CFAP74: variants seen among roughly 807,000 people sequenced by gnomAD.
CFAP74 encodes the protein cilia- and flagella-associated protein 74.
Under a neutral mutation model 188.9 loss-of-function variants are expected in CFAP74, and 124 were observed. The observed-to-expected ratio is 0.66, with a 90% CI of 0.57 to 0.76. CFAP74 has a LOEUF of 0.76. Ranked by LOEUF, CFAP74 falls within the 30% of genes least tolerant of loss-of-function variation. The pLI, the probability that CFAP74 is intolerant of heterozygous loss-of-function variation, is 0.00. For missense variants in CFAP74, 2,198 were observed against 2,165.2 expected, an observed-to-expected ratio of 1.02 and a Z score of -0.30; for synonymous variants, 956 against 916.7, an observed-to-expected ratio of 1.04 and a Z score of -0.77.
Position 1,922,577 on chromosome 1 carries a change from A to G in CFAP74, c.4818+12T>C. The G allele has an allele frequency of 6.2e-7, 1 of 1,608,538 alleles. No homozygotes were observed. The highest frequency in any genetic ancestry group is 2.2e-5 in the East Asian group (1 of 44,750). On this transcript the variant is annotated intron_variant, in intron 38 of 38. Transcript: ENST00000682832. ...CCCAGGGCTCCCTGGCCTGGAGCCC[A>G]AAGGCACCTACATCAAAGTCCGCAG...
At position 1,942,778 on chromosome 1, in the gene CFAP74, C is replaced by T. The variant is rs1273529197; in HGVS notation, c.2487-622G>A. Among the ~76,000 whole-genome samples the T allele has an allele frequency of 6.6e-6, 1 of 152,196 alleles. No individual in the cohort carries two copies. The highest frequency in any genetic ancestry group is 2.4e-5 in the African/African-American group (1 of 41,436). On this transcript the variant is annotated intron_variant, in intron 21 of 38. Transcript: ENST00000682832. This position sits in a 1 kb window ranked among gnomAD's most constrained non-coding sequence, Gnocchi z 4.3. The stretch of plus-strand genomic sequence containing the variant: ...CCACAGTGAAGCCTCCCTCCCCTCC[C>T]CCGTCTTGGAGCCTCTGCTAAACAG...
intron 25 of CFAP74, among the ~76,000 whole-genome samples, chr1:1,936,953 T>G (rs1022699783): frequency 6.6e-5 from 10 of 151,708 alleles, no homozygotes; most frequent in African/African-American, 1.9e-4. Flanking sequence ...AACAAATAAT[T>G]GCACTTGAAA....
At chr1:1,952,040 C>T (rs1558018292) in intron 18 of CFAP74, among the ~76,000 whole-genome samples, 1 of 152,218 alleles carries the variant, frequency 6.6e-6, no homozygotes, top group Admixed American at 6.5e-5. Context: ...CAACCTCCAC[C>T]TCCCCGCTTC....
intron 6 of CFAP74, among the ~76,000 whole-genome samples, chr1:1,983,503 G>A (rs375580567): frequency 2.0e-5 from 3 of 152,160 alleles, no homozygotes; most frequent in Non-Finnish European, 2.9e-5. Context: ...CCTCAGAACC[G>A]CAACGTCCGC....
chr1:1,981,655 G>C (rs1226418233), intron 6 of CFAP74, among the ~76,000 whole-genome samples: 1 of 78,382 alleles, frequency 1.3e-5, no homozygotes, highest in African/African-American at 5.5e-5. Context: ...GCCGCGGACA[G>C]ACACAGGGGC....
rs747601399 is a variant in CFAP74 at position 1,985,486 on chromosome 1, CGGCCCTGCAGT to C, written c.396-7_399del. On this transcript the variant is annotated splice_acceptor_variant and splice_polypyrimidine_tract_variant and coding_sequence_variant and intron_variant, in exon 6 of 39. Coordinates refer to ENST00000682832, the MANE Select transcript of CFAP74 (RefSeq NM_001304360.2). LOFTEE classifies it high-confidence loss of function. ...GACACGGCCTGGAGGCGGCCCACAG[CGGCCCTGCAGT>C]GGTGAACGGACAGGCCGGGCGTGTG... is the stretch of plus-strand genomic sequence containing the variant. 2 of 1,613,360 alleles carry C rather than the reference CGGCCCTGCAGT, an allele frequency of 1.2e-6. No individual in the cohort carries two copies. The highest frequency in any genetic ancestry group is 2.7e-5 in the African/African-American group (2 of 74,954).
Position 1,939,499 on chromosome 1 carries a change from A to C in CFAP74, c.2877+95T>G. ...GAGGCGGAAGTTGGGCCACATGCCC[A>C]CGCGTGGGGGACCCTGGAGCAGTGG... On this transcript the variant is annotated intron_variant, in intron 24 of 38. Transcript: ENST00000682832. The C allele has an allele frequency of 2.4e-6, 3 of 1,253,152 alleles. No homozygotes were observed. In the South Asian group the frequency reaches 4.3e-5, roughly 18 times the overall value. 77.6% of individuals were successfully genotyped at this position (1,253,152 alleles called of 1,614,324 possible). A position where few individuals can be genotyped will look rare whatever the true frequency, so the allele number is the denominator to read the frequency against.
chr1:1,957,860 C>T (rs1005787656), intron 16 of CFAP74, among the ~76,000 whole-genome samples: 34 of 152,276 alleles, frequency 2.2e-4, no homozygotes, highest in East Asian at 1.2e-3. Flanking sequence ...AGCCGAGTGC[C>T]GGCCCAACCG....
At position 1,964,906 on chromosome 1, in the gene CFAP74, C is replaced by T. The variant is rs371319557; in HGVS notation, c.1557G>A (p.Pro519=). The change falls in exon 13 of 39, where the codon CCG becomes CCA. Residue 519 remains proline (P), a synonymous_variant. Transcript: ENST00000682832. ...EFQGRPFNSK[P]ELLHFQDFDI... is the part of the protein sequence containing the mutation. ...GGCTCACCTGGAAGTGGAGGAGCTC[C>T]GGTTTGCTGTTGAAGGGGCGTCCTT... The T allele has an allele frequency of 1.4e-5, 22 of 1,613,796 alleles. No homozygotes were observed. Among genetic ancestry groups the T allele is most frequent in the Middle Eastern group, 1.7e-4 (1 of 6,056 alleles).
Position 1,923,080 on chromosome 1 carries a change from C to G in CFAP74, c.4588G>C (p.Asp1530His), listed in dbSNP as rs755919815. 1.2e-6 allele frequency: 2 copies of G among 1,609,910 alleles called. No individual in the cohort carries two copies. The highest frequency in any genetic ancestry group is 3.4e-5 in the Admixed American group (2 of 58,934). The change falls in exon 37 of 39, where the codon GAC (aspartate) becomes CAC (histidine). Residue 1530 changes from aspartate (D) to histidine (H), a missense_variant. By Grantham distance (81) the Asp-to-His change is moderately conservative. Coordinates refer to ENST00000682832, the MANE Select transcript of CFAP74 (RefSeq NM_001304360.2). The surrounding 1 kb of genome is among the most constrained non-coding windows in gnomAD (Gnocchi z 6.3). ...EELRPILVTL[D>H]YIQFDTDTPA... ...GTGTCTGTGTCAAACTGGATGTAGTCCAGGGTCACCAGGATGGGCCTCAGC... is the reference window on the plus strand; with the variant it reads ...GTGTCTGTGTCAAACTGGATGTAGTGCAGGGTCACCAGGATGGGCCTCAGC...
intron 10 of CFAP74, among the ~76,000 whole-genome samples, chr1:1,970,045 C>T (rs997588635): frequency 3.3e-5 from 5 of 152,170 alleles, no homozygotes; most frequent in Admixed American, 1.3e-4. Flanking sequence ...GAACCTGGCC[C>T]CGAGGTCTGG....
chr1:1,997,853 C>T (rs1038374164), intron 1 of CFAP74, among the ~76,000 whole-genome samples: 4 of 152,194 alleles, frequency 2.6e-5, no homozygotes, highest in Non-Finnish European at 4.4e-5. Flanking sequence ...AAAAGAGCCT[C>T]AAGAGACAAG....
At chr1:1,993,965 G>A (rs1039085103) in intron 1 of CFAP74, among the ~76,000 whole-genome samples, 20 of 151,238 alleles carry the variant, frequency 1.3e-4, no homozygotes, top group Non-Finnish European at 2.2e-4. Flanking sequence ...CTGGGCGACA[G>A]AGCAAGACTC....
At chr1:1,998,123 C>CA (rs1268580623) in intron 1 of CFAP74, among the ~76,000 whole-genome samples, 2 of 152,022 alleles carry the variant, frequency 1.3e-5, no homozygotes, top group Non-Finnish European at 1.5e-5. Context: ...ACTAAAAATA[C>CA]AAAAATTAGC....
intron 25 of CFAP74, among the ~76,000 whole-genome samples, chr1:1,932,093 A>AAAAAAAAAAC (rs1246446828): frequency 7.2e-6 from 1 of 138,770 alleles, no homozygotes; most frequent in African/African-American, 2.7e-5. Flanking sequence ...AAAACAAAAA[A>AAAAAAAAAAC]CAAAAAACTT....
intron 2 of CFAP74, among the ~76,000 whole-genome samples, chr1:1,989,536 C>T (rs1347234027): frequency 6.6e-6 from 1 of 152,220 alleles, no homozygotes; most frequent in Non-Finnish European, 1.5e-5. Flanking sequence ...TCTTGGCTCT[C>T]TGCCACCTTC....
In CFAP74 at chr1:1,942,861, G is replaced by T. The variant is rs2102048053; in HGVS notation, c.2487-705C>A. Among the ~76,000 whole-genome samples the T allele has an allele frequency of 1.3e-5, 2 of 152,292 alleles. No homozygotes were observed. Among genetic ancestry groups the T allele is most frequent in the East Asian group, 3.9e-4 (2 of 5,176 alleles). On this transcript the variant is annotated intron_variant, in intron 21 of 38. Coordinates refer to ENST00000682832, the MANE Select transcript of CFAP74 (RefSeq NM_001304360.2). The surrounding 1 kb of genome is among the most constrained non-coding windows in gnomAD (Gnocchi z 4.3). Reference sequence around the variant, plus strand: ...CAATCCACGAGGGGGGACCCAGAGGGTGTGGCAGTGAGAAATCTCCTCCCT... The same window carrying T: ...CAATCCACGAGGGGGGACCCAGAGGTTGTGGCAGTGAGAAATCTCCTCCCT...
At position 1,922,118 on chromosome 1, in the gene CFAP74, C is replaced by CG. The variant is rs1435408835; in HGVS notation, c.*168dup. 1.5e-5 allele frequency: 9 copies of CG among 582,840 alleles called. No individual in the cohort carries two copies. Among genetic ancestry groups the CG allele is most frequent in the African/African-American group, 9.5e-5 (5 of 52,462 alleles). 36.1% of individuals were successfully genotyped at this position (582,840 alleles called of 1,614,324 possible). A position where few individuals can be genotyped will look rare whatever the true frequency, so the allele number is the denominator to read the frequency against. ...GTGCTCTTGGATGTCCCTGGGCTTG[C>CG]GGGGTCCAGGGCAGCAGGAAGTGGC... On this transcript the variant is annotated 3_prime_UTR_variant, in exon 39 of 39. Transcript: ENST00000682832.
At chr1:1,990,694 C>T (rs910682430) in intron 2 of CFAP74, among the ~76,000 whole-genome samples, 196 bp downstream of exon 2, 7 of 152,128 alleles carry the variant, frequency 4.6e-5, no homozygotes, top group Admixed American at 3.3e-4. Context: ...TATGGTCTGC[C>T]GCCTTCAACA....
Sources: allele counts gnomAD v4.1 joint callset (sites outside exome capture counted in the v4.1 genomes callset), GRCh38; gene constraint gnomAD v4.1.1; non-coding constraint Gnocchi (gnomAD v3.1); transcripts MANE v1.5; gene names NCBI Gene and HGNC (gene_info 2026-07-23, HGNC 2026-07-21).